CSMD2: variants seen among roughly 807,000 people sequenced by gnomAD.
CSMD2 encodes CUB and Sushi multiple domains 2.
Under a neutral mutation model 398.5 loss-of-function variants are expected in CSMD2, and 130 were observed. That is an observed-to-expected ratio of 0.33 (90% CI 0.28 to 0.38). The LOEUF is 0.38. Among genes scored for constraint, CSMD2 ranks in the 10% least tolerant of loss-of-function variants. The probability of loss-of-function intolerance (pLI) is 1.00; values close to 1 mark genes in which losing one functional copy is unlikely to be tolerated. For synonymous variants in CSMD2, 1,828 were observed against 1,908.5 expected, an observed-to-expected ratio of 0.96 and a Z score of 1.10; for missense variants, 3,829 against 4,764.9, an observed-to-expected ratio of 0.80 and a Z score of 5.78.
chr1:33,836,572 C>T (rs933633409), intron 6 of CSMD2, among the ~76,000 whole-genome samples: 1 of 152,186 alleles, frequency 6.6e-6, no homozygotes, highest in African/African-American at 2.4e-5. Context: ...GTGGGCACCC[C>T]TCCCCTAGCC....
chr1:33,756,885 T>C (rs1649103589), intron 13 of CSMD2, among the ~76,000 whole-genome samples: 1 of 152,014 alleles, frequency 6.6e-6, no homozygotes, highest in Admixed American at 6.5e-5. Context: ...TTATTCACAA[T>C]AGCAAAGACT....
At chr1:33,581,529 CAA>C (rs59068586) in intron 47 of CSMD2, among the ~76,000 whole-genome samples, 630 of 36,820 alleles carry the variant, frequency 0.017, 5 homozygotes, top group African/African-American at 0.059. Flanking sequence ...GACTCAGTCT[CAA>C]AAAAAAAAAA....
intron 3 of CSMD2, among the ~76,000 whole-genome samples, chr1:34,012,266 G>A (rs1056079486): frequency 6.6e-6 from 1 of 151,962 alleles, no homozygotes; most frequent in Admixed American, 6.6e-5. Context: ...CTTCTCCCAG[G>A]CTTCAGTCCT....
intron 33 of CSMD2, 96 bp downstream of exon 33, chr1:33,626,390 A>G: frequency 1.3e-6 from 1 of 795,806 alleles, no homozygotes; most frequent in South Asian, 2.1e-5. Flanking sequence ...TGAGAAAGGG[A>G]CTCAGACTAG....
In CSMD2 at chr1:34,102,616, AACCATATCCCTGTAATCCG is replaced by A. The variant is rs1161784198; in HGVS notation, c.188-13442_188-13424del. On this transcript the variant is annotated intron_variant, in intron 1 of 70. Coordinates refer to ENST00000373381, the MANE Select transcript of CSMD2 (RefSeq NM_001281956.2). ...TAATCCGGCCATATCCCTGTGATCCAACCATATCCCTGTAATCCGGCCATATCCCTGTAATCCAACCATA... is the reference window on the plus strand; with the variant it reads ...TAATCCGGCCATATCCCTGTGATCCAGCCATATCCCTGTAATCCAACCATA... Among the ~76,000 whole-genome samples the A allele has an allele frequency of 3.7e-3, 263 of 71,156 alleles. 4 individuals are homozygous for A. The highest frequency in any genetic ancestry group is 0.014 in the African/African-American group (245 of 17,682). 46.7% of individuals were successfully genotyped at this position (71,156 alleles called of 152,430 possible). A position where few individuals can be genotyped will look rare whatever the true frequency, so the allele number is the denominator to read the frequency against.
At chr1:33,665,495 G>A (rs1030461769) in intron 25 of CSMD2, among the ~76,000 whole-genome samples, 2 of 139,790 alleles carry the variant, frequency 1.4e-5, no homozygotes, top group African/African-American at 5.4e-5. Flanking sequence ...TTGCGACAGG[G>A]CCTATCTGGT....
At chr1:34,016,046 T>C (rs973688234) in intron 3 of CSMD2, among the ~76,000 whole-genome samples, 47 of 151,298 alleles carry the variant, frequency 3.1e-4, no homozygotes, top group Admixed American at 2.6e-3. Flanking sequence ...TGTGTGTGTA[T>C]GTGTGTATTT....
chr1:33,952,099 G>T (rs1420612898), intron 3 of CSMD2, among the ~76,000 whole-genome samples: 1 of 152,230 alleles, frequency 6.6e-6, no homozygotes, highest in Admixed American at 6.5e-5. Flanking sequence ...GTAGAGAGAA[G>T]GAGAAGAGCA....
intron 44 of CSMD2, among the ~76,000 whole-genome samples, chr1:33,598,419 C>A (rs116331754): frequency 6.6e-6 from 1 of 152,286 alleles, no homozygotes; most frequent in African/African-American, 2.4e-5. Context: ...TCAGTGAAGC[C>A]TTGGGCTCTG....
chr1:34,028,247 T>C (rs1193216001), intron 3 of CSMD2, among the ~76,000 whole-genome samples: 1 of 151,744 alleles, frequency 6.6e-6, no homozygotes, highest in African/African-American at 2.4e-5. Flanking sequence ...ACCCAGGAGG[T>C]CGAGGCTGCA....
chr1:33,812,528 G>C (rs1366632934), intron 9 of CSMD2, among the ~76,000 whole-genome samples: 1 of 152,230 alleles, frequency 6.6e-6, no homozygotes, highest in Non-Finnish European at 1.5e-5. Context: ...TTCCTAGATT[G>C]CACTTGATAC....
In CSMD2 at chr1:33,559,273, T is replaced by C; in HGVS notation, c.8554+27A>G. 1.3e-6 allele frequency: 2 copies of C among 1,531,312 alleles called. No individual in the cohort carries two copies. Among genetic ancestry groups the C allele is most frequent in the South Asian group, 1.2e-5 (1 of 83,720 alleles). 94.9% of individuals were successfully genotyped at this position (1,531,312 alleles called of 1,614,324 possible). ...CACATATAGCAGAGATGGTGGGGACTGGATTGGGAGAGAAAGGGTGACTCA... is the reference window on the plus strand; with the variant it reads ...CACATATAGCAGAGATGGTGGGGACCGGATTGGGAGAGAAAGGGTGACTCA... On this transcript the variant is annotated intron_variant, in intron 54 of 70. Transcript: ENST00000373381. This position sits in a 1 kb window ranked among gnomAD's most constrained non-coding sequence, Gnocchi z 4.0.
intron 1 of CSMD2, among the ~76,000 whole-genome samples, chr1:34,105,543 T>C (rs720211): frequency 0.42 from 64,223 of 152,086 alleles, 14,087 homozygotes; most frequent in East Asian, 0.68. Flanking sequence ...TCCCTGGACC[T>C]CCATGACCTG....
intron 48 of CSMD2, among the ~76,000 whole-genome samples, chr1:33,578,187 T>C (rs543423363): frequency 1.1e-4 from 16 of 152,334 alleles, no homozygotes; most frequent in African/African-American, 3.8e-4. Context: ...CCTCCACATA[T>C]GGCTTCAACT....
chr1:33,783,640 T>C (rs1415818405), intron 12 of CSMD2, among the ~76,000 whole-genome samples: 1 of 152,140 alleles, frequency 6.6e-6, no homozygotes, highest in African/African-American at 2.4e-5. Context: ...TTCTGCCTTC[T>C]CTAGACACAT....
chr1:33,676,536 A>G (rs1476908406), intron 25 of CSMD2, among the ~76,000 whole-genome samples: 1 of 152,230 alleles, frequency 6.6e-6, no homozygotes, highest in African/African-American at 2.4e-5. Context: ...CATACTGCCC[A>G]ACGTAATTTA....
intron 6 of CSMD2, among the ~76,000 whole-genome samples, chr1:33,826,669 A>G (rs1317641745): frequency 6.6e-6 from 1 of 152,214 alleles, no homozygotes; most frequent in African/African-American, 2.4e-5. Context: ...TTTGCCAAAT[A>G]GCACACAAAA....
intron 2 of CSMD2, among the ~76,000 whole-genome samples, chr1:34,065,641 C>T (rs181759370): frequency 1.3e-5 from 2 of 152,178 alleles, no homozygotes; most frequent in African/African-American, 2.4e-5. Flanking sequence ...CTGTGCAATG[C>T]GGGTGAATGG....
At chr1:34,105,719 T>C (rs1660466958) in intron 1 of CSMD2, among the ~76,000 whole-genome samples, 1 of 152,248 alleles carries the variant, frequency 6.6e-6, no homozygotes, top group African/African-American at 2.4e-5. Flanking sequence ...CACTAATAAG[T>C]GCTCCTTTAT....
Sources: gnomAD v4.1 joint callset for allele counts (sites outside exome capture counted in the v4.1 genomes callset) on GRCh38, gnomAD v4.1.1 for gene constraint, Gnocchi (gnomAD v3.1) non-coding constraint, MANE v1.5 for transcripts, NCBI Gene and HGNC (gene_info 2026-07-23, HGNC 2026-07-21) for gene names.